The following TUBA1C variants were observed in gnomAD, a reference collection of about 807,000 sequenced individuals.
TUBA1C encodes tubulin alpha 1c, also known as tubulin alpha-1C chain.
TUBA1C carries 16 observed loss-of-function variants against 34.9 expected under a neutral mutation model. The ratio of observed to expected loss-of-function variants is 0.46; its 90% CI spans 0.31 to 0.70. The LOEUF (loss-of-function observed/expected upper bound fraction) is 0.70, where lower values mean the gene tolerates loss of function less well. Among genes scored for constraint, TUBA1C ranks in the 30% least tolerant of loss-of-function variants. The pLI, the probability that TUBA1C is intolerant of heterozygous loss-of-function variation, is 0.05. For synonymous variants in TUBA1C, 177 were observed against 215.9 expected, an observed-to-expected ratio of 0.82 and a Z score of 1.58; for missense variants, 329 against 587.3, an observed-to-expected ratio of 0.56 and a Z score of 4.55.
At chr12:49,261,509 T>G (rs1263404523), upstream of TUBA1C, among the ~76,000 whole-genome samples, 1 of 152,168 alleles carries the variant, frequency 6.6e-6, no homozygotes, top group South Asian at 2.1e-4. Flanking sequence ...TTATTTCAAG[T>G]CTCAGGACTT....
At chr12:49,252,534 G>A in intron 1 of TUBA1C, among the ~76,000 whole-genome samples, 1 of 152,254 alleles carries the variant, frequency 6.6e-6, no homozygotes, top group South Asian at 2.1e-4. Flanking sequence ...GAGAAGCTTT[G>A]GGGGAAGTTG....
Position 49,274,206 on chromosome 12 carries a change from GC to G in TUBA1C, c.*980del, listed in dbSNP as rs1228488233. 6.6e-6 allele frequency: 1 copy of G among 151,344 alleles called. No homozygotes were observed. Among genetic ancestry groups the G allele is most frequent in the African/African-American group, 2.4e-5 (1 of 41,056 alleles). 9.4% of individuals were successfully genotyped at this position (151,344 alleles called of 1,614,324 possible). ...ATAGCTCACCCCCACCTTGACCTGG[GC>G]TAAGCCATCCTCCCACCTCAGCCTC... On this transcript the variant is annotated 3_prime_UTR_variant, in exon 4 of 4. Transcript: ENST00000301072.
chr12:49,256,300 A>G, intron 1 of TUBA1C: 1 of 350,500 alleles, frequency 2.9e-6, no homozygotes, highest in Non-Finnish European at 5.9e-6. Context: ...GTTTATTATC[A>G]GTCATTTCGT....
At chr12:49,248,693 C>T (rs1406015615) in intron 1 of TUBA1C, among the ~76,000 whole-genome samples, 2 of 150,744 alleles carry the variant, frequency 1.3e-5, no homozygotes, top group Non-Finnish European at 3.0e-5. Flanking sequence ...GAAACTCCGT[C>T]TCTACTAAAA....
Position 49,273,096 on chromosome 12 carries a change from T to A in TUBA1C, c.1219T>A (p.Trp407Arg). The change falls in exon 4 of 4, where the codon TGG becomes AGG. Residue 407 changes from tryptophan to arginine, a missense_variant. Transcript: ENST00000301072. ...GTATGCCAAGCGTGCCTTTGTTCACTGGTACGTGGGTGAGGGGATGGAGGA... is the reference window on the plus strand; with the variant it reads ...GTATGCCAAGCGTGCCTTTGTTCACAGGTACGTGGGTGAGGGGATGGAGGA... ...LMYAKRAFVHWYVGEGMEEGE... is the reference protein window; with the variant it reads ...LMYAKRAFVHRYVGEGMEEGE... 6.2e-7 allele frequency: 1 copy of A among 1,614,186 alleles called. No individual in the cohort carries two copies. Among genetic ancestry groups the A allele is most frequent in the Non-Finnish European group, 8.5e-7 (1 of 1,180,032 alleles).
Position 49,269,969 on chromosome 12 carries a change from G to A in TUBA1C, c.368G>A (p.Arg123His), listed in dbSNP as rs779249027. The change falls in exon 3 of 4, where the codon CGC becomes CAC. Residue 123 changes from arginine (R) to histidine (H), a missense_variant. By Grantham distance (29) the Arg-to-His change is conservative. This residue lies in a region of TUBA1C where 152 missense variants were observed against 240.3 expected (regional missense o/e 0.63). Coordinates refer to ENST00000301072, the MANE Select transcript of TUBA1C (RefSeq NM_032704.5). The stretch of plus-strand genomic sequence containing the variant: ...ATTGACCTCGTGTTGGACCGAATTC[G>A]CAAGCTGGTAAGTATAGTACTTTAA... ...EIIDLVLDRI[R>H]KLADQCTGLQ... 2.0e-5 allele frequency: 32 copies of A among 1,614,088 alleles called. No individual in the cohort carries two copies. The highest frequency in any genetic ancestry group is 1.6e-4 in the East Asian group (7 of 44,902).
intron 1 of TUBA1C, among the ~76,000 whole-genome samples, chr12:49,252,251 C>T (rs1942738756): frequency 6.6e-6 from 1 of 152,124 alleles, no homozygotes; most frequent in Non-Finnish European, 1.5e-5. Context: ...AAATTTTATT[C>T]TAATAAAATT....
At chr12:49,235,115 CA>C (rs550520599) in intron 1 of TUBA1C, among the ~76,000 whole-genome samples, 3,017 of 84,002 alleles carry the variant, frequency 0.036, 73 homozygotes, top group African/African-American at 0.092. Flanking sequence ...TGCGCCCGGC[CA>C]AAAAAAAAAA....
At chr12:49,246,627 A>T (rs1565641812) in intron 1 of TUBA1C, among the ~76,000 whole-genome samples, 1 of 151,802 alleles carries the variant, frequency 6.6e-6, no homozygotes, top group Non-Finnish European at 1.5e-5. Context: ...GTGAGCGGAG[A>T]TCGCACCACT....
chr12:49,239,956 C>T (rs193129475), intron 1 of TUBA1C, among the ~76,000 whole-genome samples: 257 of 151,912 alleles, frequency 1.7e-3, no homozygotes, highest in African/African-American at 5.8e-3. Context: ...AAGTCAGTCC[C>T]TTGAAACTGT....
At chr12:49,228,297 A>G in intron 1 of TUBA1C, 1 of 836,480 alleles carries the variant, frequency 1.2e-6, no homozygotes, top group Non-Finnish European at 1.8e-6. Context: ...TATTGGTGGC[A>G]TTAGTGTTTA....
intron 3 of TUBA1C, chr12:49,270,230 C>G (rs1179127172): frequency 4.6e-6 from 3 of 655,994 alleles, no homozygotes; most frequent in East Asian, 2.9e-5. Flanking sequence ...CTTAGTCATA[C>G]TGAGTGAGTA....
At chr12:49,257,302 C>T (rs1942794547) in intron 1 of TUBA1C, among the ~76,000 whole-genome samples, 1 of 152,078 alleles carries the variant, frequency 6.6e-6, no homozygotes, top group African/African-American at 2.4e-5. Context: ...AGGCAGCCTC[C>T]ATTTCCTCTC....
At chr12:49,249,005 T>G (rs1942705544) in intron 1 of TUBA1C, among the ~76,000 whole-genome samples, 1 of 152,102 alleles carries the variant, frequency 6.6e-6, no homozygotes, top group South Asian at 2.1e-4. Flanking sequence ...CTTAAAATAT[T>G]TTGAACTGAG....
chr12:49,261,358 A>G (rs533900669), upstream of TUBA1C, among the ~76,000 whole-genome samples: 1 of 152,332 alleles, frequency 6.6e-6, no homozygotes, highest in Admixed American at 6.5e-5. Flanking sequence ...AGGACTACAA[A>G]TTCAATAAAT....
rs1301372793 is a variant in TUBA1C, at chr12:49,266,299, A to G, written c.3+1115A>G. ...AAAAAAATTAGCTGGGCGTGGTGGC[A>G]GGCGCTTGTAGTCTCAGCTACTCGG... On this transcript the variant is annotated intron_variant, in intron 1 of 3. Transcript: ENST00000301072. Among the ~76,000 whole-genome samples, 109 of 145,540 alleles carry G rather than the reference A, an allele frequency of 7.5e-4. 2 individuals carry two copies. In the South Asian group the frequency reaches 0.013, roughly 17 times the overall value.
At chr12:49,247,345 T>C (rs563058827) in intron 1 of TUBA1C, among the ~76,000 whole-genome samples, 1 of 149,096 alleles carries the variant, frequency 6.7e-6, no homozygotes, top group East Asian at 2.0e-4. Flanking sequence ...TCACCTGAGG[T>C]CAGGAGTTCA....
intron 1 of TUBA1C, among the ~76,000 whole-genome samples, chr12:49,254,597 G>A (rs1323780370): frequency 6.6e-6 from 1 of 152,002 alleles, no homozygotes; most frequent in African/African-American, 2.4e-5. Flanking sequence ...GAGTGTAGTG[G>A]AGCTGGGGTG....
intron 3 of TUBA1C, among the ~76,000 whole-genome samples, chr12:49,270,805 C>CCT (rs1005201923): frequency 2.0e-5 from 3 of 151,956 alleles, no homozygotes; most frequent in Non-Finnish European, 4.4e-5. Flanking sequence ...ATGGTGAAAC[C>CCT]CTCTCTACTA....
Sources: allele counts gnomAD v4.1 joint callset (sites outside exome capture counted in the v4.1 genomes callset), GRCh38; gene constraint gnomAD v4.1.1; regional missense constraint gnomAD v4.1.1; transcripts MANE v1.5; gene names NCBI Gene and HGNC (gene_info 2026-07-23, HGNC 2026-07-21).